GRHL2: variants seen among roughly 807,000 people sequenced by gnomAD.
GRHL2 encodes the protein grainyhead-like protein 2 homolog.
In GRHL2, 21 loss-of-function variants were observed where a neutral mutation model predicts 83.8. The ratio of observed to expected loss-of-function variants is 0.25; its 90% confidence interval spans 0.18 to 0.36. The LOEUF (loss-of-function observed/expected upper bound fraction) is 0.36, where lower values mean the gene tolerates loss of function less well. GRHL2 is among the 10% of genes least tolerant of loss of function. The pLI, the probability that GRHL2 is intolerant of heterozygous loss-of-function variation, is 1.00. For synonymous variants in GRHL2, 280 were observed against 278.9 expected (o/e 1.00, Z -0.04); for missense variants, 623 against 781.8 (o/e 0.80, Z 2.42).
At chr8:101,598,844 GT>G in intron 7 of GRHL2, among the ~76,000 whole-genome samples, 1 of 152,120 alleles carries the variant, frequency 6.6e-6, no homozygotes, top group East Asian at 1.9e-4. Flanking sequence ...GGTTTGCTTA[GT>G]TTTACTCTTT....
chr8:101,624,424 T>C (rs1040856602), intron 9 of GRHL2, among the ~76,000 whole-genome samples: 7 of 149,628 alleles, frequency 4.7e-5, no homozygotes, highest in African/African-American at 1.7e-4. Context: ...CATTACACAG[T>C]AGGACAGTAC....
chr8:101,649,497 G>A lies in GRHL2; in HGVS notation c.1696G>A (p.Ala566Thr), dbSNP rs1188958009. ...TCCCACAGTGAAGGGCCTGATGGAA[G>A]CGGTAAGCCATATACTCCTTTCAGC... ...KSPTVKGLME[A>T]ISEKYGLPVE... Residue 566 changes from alanine (A) to threonine (T), a missense_variant and splice_region_variant, in exon 14 of 16, where the codon GCG (alanine) becomes ACG (threonine). Ala to Thr is a moderately conservative substitution (Grantham distance 58, BLOSUM62 0). Around this residue, in one of 8 missense-constraint regions of GRHL2, gnomAD observed 210 missense variants for 254.8 expected, o/e 0.82. Coordinates refer to ENST00000646743, the MANE Select transcript of GRHL2 (RefSeq NM_024915.4). 2 of 1,612,318 alleles carry A rather than the reference G, an allele frequency of 1.2e-6. No individual in the cohort carries two copies. The highest frequency in any genetic ancestry group is 1.7e-6 in the Non-Finnish European group (2 of 1,178,482).
chr8:101,653,892 G>A (rs1026347012), intron 14 of GRHL2, among the ~76,000 whole-genome samples: 3 of 152,224 alleles, frequency 2.0e-5, no homozygotes, highest in African/African-American at 7.2e-5. Context: ...ACTAGCTGGT[G>A]TGTACCTTGG....
chr8:101,503,986 TTTTA>T (rs1047335313), intron 1 of GRHL2, among the ~76,000 whole-genome samples: 2 of 152,236 alleles, frequency 1.3e-5, no homozygotes, highest in African/African-American at 4.8e-5. Flanking sequence ...TAAGGATAAA[TTTTA>T]TTTATGCATT....
chr8:101,538,116 G>T (rs1253177182), intron 1 of GRHL2, among the ~76,000 whole-genome samples: 2 of 152,134 alleles, frequency 1.3e-5, no homozygotes, highest in African/African-American at 4.8e-5. Context: ...TTTTGTTTTG[G>T]ATCCCAAGTG....
rs560381152 is a variant in GRHL2, at chr8:101,527,262, G to A, written c.21-15979G>A. On this transcript the variant is annotated intron_variant, in intron 1 of 15. Transcript: ENST00000646743. ...ATTGTTACCCTTGAACTTTTAATAA[G>A]CATAAACTTATCTTTTCTATCAATA... 3.3e-5 allele frequency among the ~76,000 whole-genome samples: 5 copies of A among 152,214 alleles called. No individual in the cohort carries two copies. In the East Asian group the frequency reaches 7.7e-4, roughly 23 times the overall value.
intron 7 of GRHL2, among the ~76,000 whole-genome samples, chr8:101,580,773 G>A (rs994589623): frequency 7.9e-5 from 12 of 151,880 alleles, no homozygotes; most frequent in African/African-American, 2.7e-4. Context: ...GCATGATCTC[G>A]GCTCACTGCA....
At chr8:101,639,178 G>C (rs889488513) in intron 12 of GRHL2, among the ~76,000 whole-genome samples, 11 of 152,148 alleles carry the variant, frequency 7.2e-5, no homozygotes, top group Admixed American at 2.0e-4. Context: ...TAACTCCATT[G>C]GTTTGACTTC....
chr8:101,493,992 CCCTT>C (rs1224437138), intron 1 of GRHL2, among the ~76,000 whole-genome samples: 1 of 152,128 alleles, frequency 6.6e-6, no homozygotes, highest in Non-Finnish European at 1.5e-5. Flanking sequence ...CGGGGACACT[CCCTT>C]CCCCCTCCTC....
intron 1 of GRHL2, among the ~76,000 whole-genome samples, chr8:101,538,334 G>A (rs530382239): frequency 1.3e-4 from 20 of 152,208 alleles, no homozygotes; most frequent in African/African-American, 4.6e-4. Context: ...GGTCTCAGTG[G>A]CACAGCTGCA....
chr8:101,569,362 C>T (rs1467350955), intron 4 of GRHL2, among the ~76,000 whole-genome samples: 1 of 152,094 alleles, frequency 6.6e-6, no homozygotes, highest in Non-Finnish European at 1.5e-5. Flanking sequence ...TAATGAAGAT[C>T]CTTAGAGAAG....
intron 13 of GRHL2, among the ~76,000 whole-genome samples, chr8:101,644,640 T>C (rs1175024987): frequency 6.6e-6 from 1 of 152,106 alleles, no homozygotes; most frequent in Admixed American, 6.5e-5. Flanking sequence ...TTACTCATTT[T>C]CTCCCAGTCA....
At chr8:101,532,648 G>T (rs572767601) in intron 1 of GRHL2, among the ~76,000 whole-genome samples, 9 of 152,168 alleles carry the variant, frequency 5.9e-5, no homozygotes, top group East Asian at 3.9e-4. Flanking sequence ...TACTCGGCGG[G>T]GGGGCTGAGG....
intron 9 of GRHL2, 85 bp downstream of exon 9, chr8:101,619,782 T>C: frequency 9.6e-7 from 1 of 1,041,310 alleles, no homozygotes. Context: ...TCACCTTTGC[T>C]TGTCTAGTGG....
At chr8:101,541,890 T>C (rs752436244) in intron 1 of GRHL2, among the ~76,000 whole-genome samples, 3 of 152,196 alleles carry the variant, frequency 2.0e-5, no homozygotes, top group Non-Finnish European at 2.9e-5. Flanking sequence ...CCCATTTCTG[T>C]TTCTACTGTA....
intron 1 of GRHL2, among the ~76,000 whole-genome samples, chr8:101,500,699 C>T (rs780876994): frequency 1.4e-4 from 22 of 152,078 alleles, no homozygotes; most frequent in Non-Finnish European, 2.4e-4. Flanking sequence ...TTAGTAGAGA[C>T]GGAGTTTCGC....
At chr8:101,540,801 A>G (rs1478116999) in intron 1 of GRHL2, among the ~76,000 whole-genome samples, 1 of 151,818 alleles carries the variant, frequency 6.6e-6, no homozygotes, top group Non-Finnish European at 1.5e-5. Flanking sequence ...GTCTTTTTTT[A>G]TTTTCCATTT....
intron 1 of GRHL2, among the ~76,000 whole-genome samples, chr8:101,534,943 G>A (rs905696375): frequency 5.3e-5 from 8 of 152,100 alleles, no homozygotes; most frequent in Non-Finnish European, 8.8e-5. Flanking sequence ...TCCTCATCAC[G>A]GCCCAATTAG....
chr8:101,588,135 C>T (rs532674436), intron 7 of GRHL2, among the ~76,000 whole-genome samples: 14 of 152,290 alleles, frequency 9.2e-5, no homozygotes, highest in African/African-American at 3.4e-4. Flanking sequence ...ATGAGAGTCT[C>T]GTCATTGTTT....
Sources: allele counts gnomAD v4.1 joint callset (sites outside exome capture counted in the v4.1 genomes callset), GRCh38; gene constraint gnomAD v4.1.1; regional missense constraint gnomAD v4.1.1; transcripts MANE v1.5; gene names NCBI Gene and HGNC (gene_info 2026-07-23, HGNC 2026-07-21).